Variants in MAP3K6 observed in about 807,000 individuals in gnomAD.
MAP3K6 encodes the protein mitogen-activated protein kinase kinase kinase 6.
A neutral mutation model predicts 147.1 loss-of-function variants in MAP3K6; 105 were observed. The observed-to-expected ratio is 0.71, with a 90% confidence interval of 0.61 to 0.84. The LOEUF (loss-of-function observed/expected upper bound fraction) is 0.84, where lower values mean the gene tolerates loss of function less well. MAP3K6 is among the 40% of genes least tolerant of loss of function. The pLI, the probability that MAP3K6 is intolerant of heterozygous loss-of-function variation, is 0.00. For synonymous variants in MAP3K6, 695 were observed against 732.4 expected (o/e 0.95, Z 0.82); for missense variants, 1,569 against 1,715.0 (o/e 0.91, Z 1.50).
At position 27,360,586 on chromosome 1, in the gene MAP3K6, A is replaced by C; in HGVS notation, c.2054+119T>G. On this transcript the variant is annotated intron_variant, in intron 15 of 28. Coordinates refer to ENST00000357582, the MANE Select transcript of MAP3K6 (RefSeq NM_004672.5). The surrounding 1 kb of genome is among the most constrained non-coding windows in gnomAD (Gnocchi z 4.5). ...CACGGGCCCAGTCCACAGGGCTCGA[A>C]CTCTCAGGTCCTACGAGCCCGCCCA... 1 of 1,447,770 alleles carries C rather than the reference A, an allele frequency of 6.9e-7. No individual in the cohort carries two copies. Among genetic ancestry groups the C allele is most frequent in the Non-Finnish European group, 9.1e-7 (1 of 1,093,330 alleles). The allele number at this position is 1,447,770 out of a possible 1,614,324, so 89.7% of individuals were successfully genotyped here.
intron 25 of MAP3K6, 32 bp downstream of exon 25, chr1:27,356,558 C>T (rs1364009671): frequency 3.1e-6 from 5 of 1,611,080 alleles, no homozygotes; most frequent in Non-Finnish European, 4.2e-6. Context: ...TGAAGCCCGG[C>T]AGAGGCTATG....
In MAP3K6 at chr1:27,362,757, G is replaced by T; in HGVS notation, c.1143-4C>A. ...TACGTCAAAAGCCTTGCGATACCTG[G>T]GGTGGGGGTAGGGGGCACAGGGCTG... is the stretch of plus-strand genomic sequence containing the variant. On this transcript the variant is annotated splice_polypyrimidine_tract_variant and splice_region_variant and intron_variant, in intron 7 of 28. Transcript: ENST00000357582. 6.2e-7 allele frequency: 1 copy of T among 1,612,796 alleles called. No homozygotes were observed. The highest frequency in any genetic ancestry group is 2.2e-5 in the East Asian group (1 of 44,876).
chr1:27,366,622 C>T lies in MAP3K6; in HGVS notation c.-25G>A, dbSNP rs888077998. On this transcript the variant is annotated 5_prime_UTR_variant, in exon 1 of 29. Coordinates refer to ENST00000357582, the MANE Select transcript of MAP3K6 (RefSeq NM_004672.5). The surrounding 1 kb of genome is among the most constrained non-coding windows in gnomAD (Gnocchi z 5.5). ...TGCGGGGGCGCTCAGGCGCGGGGCGCCGCGCACTGGGAACCGGGGGCGGGG... is the reference window on the plus strand; with the variant it reads ...TGCGGGGGCGCTCAGGCGCGGGGCGTCGCGCACTGGGAACCGGGGGCGGGG... 1.0e-5 allele frequency: 11 copies of T among 1,078,826 alleles called. No homozygotes were observed. In the African/African-American group the frequency reaches 1.8e-4, roughly 18 times the overall value. The allele number at this position is 1,078,826 out of a possible 1,614,324, so 66.8% of individuals were successfully genotyped here. A position where few individuals can be genotyped will look rare whatever the true frequency, so the allele number is the denominator to read the frequency against.
At chr1:27,355,623 G>A (rs1332603522) in intron 28 of MAP3K6, 46 bp downstream of exon 28, 4 of 1,602,462 alleles carry the variant, frequency 2.5e-6, no homozygotes, top group Non-Finnish European at 2.6e-6. Context: ...AGTTGGCCAG[G>A]ATGAGGCCAT....
rs765361991 is a variant in MAP3K6 at position 27,358,707 on chromosome 1, A to T, written c.2583+2T>A. 1 of 1,613,784 alleles carries T rather than the reference A, an allele frequency of 6.2e-7. No homozygotes were observed. ...CATGGGCCAGGCCCAAAGAGGTCTC[A>T]CCTGAAACATGGCAGCCTGTGGGCT... On this transcript the variant is annotated splice_donor_variant, in intron 19 of 28. Transcript: ENST00000357582. LOFTEE classifies it high-confidence loss of function. This position sits in a 1 kb window ranked among gnomAD's most constrained non-coding sequence, Gnocchi z 6.2.
intron 25 of MAP3K6, 26 bp from the exon 26 acceptor site, chr1:27,356,526 G>A (rs769225503): frequency 2.5e-6 from 4 of 1,612,284 alleles, no homozygotes; most frequent in Admixed American, 1.7e-5. Flanking sequence ...GAGTAGAATG[G>A]AGCGGTGAGT....
chr1:27,363,063 C>T (rs1464110068), intron 6 of MAP3K6, 42 bp from the exon 7 acceptor site: 1 of 1,567,600 alleles, frequency 6.4e-7, no homozygotes, highest in Admixed American at 1.9e-5. Context: ...ATGGCCCTGG[C>T]CTACTCTGTC....
Position 27,364,540 on chromosome 1 carries a change from A to G in MAP3K6, c.504+121T>C. ...CATGAGAGGAGGCAACAGGAAACAG[A>G]GGAATACTTGGGATGTCAGTGGGGG... is the stretch of plus-strand genomic sequence containing the variant. On this transcript the variant is annotated intron_variant, in intron 3 of 28. Transcript: ENST00000357582. This position sits in a 1 kb window ranked among gnomAD's most constrained non-coding sequence, Gnocchi z 4.4. The G allele has an allele frequency of 6.4e-7, 1 of 1,552,876 alleles. No homozygotes were observed. The highest frequency in any genetic ancestry group is 8.9e-7 in the Non-Finnish European group (1 of 1,125,218).
In MAP3K6 at chr1:27,366,106, G is replaced by A. The variant is rs1044608347; in HGVS notation, c.340+152C>T. ...TCCCCTAAATCCCACTTTTTTCACG[G>A]CCCTGTCCCAAGCCCTTCAGCTTTA... On this transcript the variant is annotated intron_variant, in intron 1 of 28. Transcript: ENST00000357582. The surrounding 1 kb of genome is among the most constrained non-coding windows in gnomAD (Gnocchi z 5.5). The A allele has an allele frequency of 4.6e-6, 4 of 860,398 alleles. No individual in the cohort carries two copies. In the South Asian group the frequency reaches 1.7e-4, roughly 37 times the overall value. The allele number at this position is 860,398 out of a possible 1,614,324, so 53.3% of individuals were successfully genotyped here. A position where few individuals can be genotyped will look rare whatever the true frequency, so the allele number is the denominator to read the frequency against.
chr1:27,363,006 C>T lies in MAP3K6; in HGVS notation c.987G>A (p.Gly329=), dbSNP rs771048988. 14 of 1,613,486 alleles carry T rather than the reference C, an allele frequency of 8.7e-6. No homozygotes were observed. The highest frequency in any genetic ancestry group is 3.3e-4 in the Middle Eastern group (2 of 6,080). ...GCACAGACAGGGCCTTCGCCCGGTC[C>T]CCAGGCCTGTTCCTCCTAGGGAAAA... ...TFALNRRNRP[G]DRAKALSVLL... Residue 329 remains glycine, a synonymous_variant, in exon 7 of 29, where the codon GGG becomes GGA. Transcript: ENST00000357582.
Position 27,356,681 on chromosome 1 carries a change from G to T in MAP3K6, c.3433C>A (p.Pro1145Thr). The T allele has an allele frequency of 6.2e-7, 1 of 1,609,692 alleles. No homozygotes were observed. Among genetic ancestry groups the T allele is most frequent in the East Asian group, 2.2e-5 (1 of 44,830 alleles). The change falls in exon 25 of 29, where the codon CCA (proline) becomes ACA (threonine). Residue 1145 changes from proline (P) to threonine (T), a missense_variant. By Grantham distance (38) the Pro-to-Thr change is conservative. Coordinates refer to ENST00000357582, the MANE Select transcript of MAP3K6 (RefSeq NM_004672.5). ...LSNEGDSQQS[P>T]GQQSPLPVEP... ...ACCGGAAGCGGGCTCTGCTGGCCTG[G>T]GCTCTGCTGGGAGTCCCCTTCATTA... is the stretch of plus-strand genomic sequence containing the variant.
In MAP3K6 at chr1:27,364,485, GA is replaced by G; in HGVS notation, c.505-92del. 3.9e-6 allele frequency: 6 copies of G among 1,558,174 alleles called. No individual in the cohort carries two copies. Among genetic ancestry groups the G allele is most frequent in the Non-Finnish European group, 4.4e-6 (5 of 1,131,976 alleles). On this transcript the variant is annotated intron_variant, in intron 3 of 28. Coordinates refer to ENST00000357582, the MANE Select transcript of MAP3K6 (RefSeq NM_004672.5). This position sits in a 1 kb window ranked among gnomAD's most constrained non-coding sequence, Gnocchi z 4.4. ...GAGCATCAAAGGTCAGCATCAGTGG[GA>G]ATTGGAATCGCAGGAAAGGGGCACC...
chr1:27,365,353 T>G (rs1207229282), intron 1 of MAP3K6, among the ~76,000 whole-genome samples: 1 of 152,208 alleles, frequency 6.6e-6, no homozygotes, highest in Non-Finnish European at 1.5e-5. Context: ...ATGTATAGCT[T>G]ACTATGTCTG....
At position 27,364,888 on chromosome 1, in the gene MAP3K6, C is replaced by T. The variant is rs1280438584; in HGVS notation, c.365G>A (p.Ser122Asn). ...NADVVVLEVS[S>N]SLVQPSLFYH... ...GAACAGGGAGGGCTGTACCAGCGAG[C>T]TGCTCACCTCCAGCACCACCACATC... The change falls in exon 2 of 29, where the codon AGC (serine) becomes AAC (asparagine). Residue 122 changes from serine to asparagine, a missense_variant. Physicochemically the swap from Ser to Asn is conservative, Grantham distance 46. Coordinates refer to ENST00000357582, the MANE Select transcript of MAP3K6 (RefSeq NM_004672.5). This position sits in a 1 kb window ranked among gnomAD's most constrained non-coding sequence, Gnocchi z 4.4. The T allele has an allele frequency of 1.9e-6, 3 of 1,600,214 alleles. No individual in the cohort carries two copies. In the Admixed American group the frequency reaches 5.0e-5, roughly 27 times the overall value.
Position 27,361,742 on chromosome 1 carries a change from G to C in MAP3K6, c.1541C>G (p.Pro514Arg), listed in dbSNP as rs371214094. 189 of 1,613,306 alleles carry C rather than the reference G, an allele frequency of 1.2e-4. No individual in the cohort carries two copies. The highest frequency in any genetic ancestry group is 1.6e-4 in the Non-Finnish European group (184 of 1,179,662). ...WLHFLLQSCQ[P>R]FKTACAQGDQ... ...GCCCTGGGCACAGGCTGTCTTGAAT[G>C]GTTGGCAGGACTGTAGCAAGAAGTG... is the stretch of plus-strand genomic sequence containing the variant. The change falls in exon 10 of 29, where the codon CCA becomes CGA. Residue 514 changes from proline (P) to arginine (R), a missense_variant. By Grantham distance (103) the Pro-to-Arg change is moderately radical. Coordinates refer to ENST00000357582, the MANE Select transcript of MAP3K6 (RefSeq NM_004672.5).
At chr1:27,356,152 G>T in intron 26 of MAP3K6, 53 bp from the exon 27 acceptor site, 1 of 1,514,012 alleles carries the variant, frequency 6.6e-7, no homozygotes, top group Non-Finnish European at 9.2e-7. Flanking sequence ...GCTAGAAGCT[G>T]CCTCGAACCC....
Position 27,360,568 on chromosome 1 carries a change from C to T in MAP3K6, c.2054+137G>A. Reference sequence around the variant, plus strand: ...GGTCCTGGCTGTTCCGCCCACGGGCCCAGTCCACAGGGCTCGAACTCTCAG... The same window carrying T: ...GGTCCTGGCTGTTCCGCCCACGGGCTCAGTCCACAGGGCTCGAACTCTCAG... On this transcript the variant is annotated intron_variant, in intron 15 of 28. Coordinates refer to ENST00000357582, the MANE Select transcript of MAP3K6 (RefSeq NM_004672.5). This position sits in a 1 kb window ranked among gnomAD's most constrained non-coding sequence, Gnocchi z 4.5. 2.8e-6 allele frequency: 4 copies of T among 1,413,208 alleles called. No homozygotes were observed. The South Asian group carries it at 4.2e-5, about 15-fold the overall frequency. 87.5% of individuals were successfully genotyped at this position (1,413,208 alleles called of 1,614,324 possible).
chr1:27,361,642 G>C lies in MAP3K6; in HGVS notation c.1579-15C>G. The stretch of plus-strand genomic sequence containing the variant: ...AGGACCAGCACCTGCAGGCAGTTGG[G>C]GAGTGGGGTCAGTCAGAAGGGGCTT... On this transcript the variant is annotated splice_polypyrimidine_tract_variant and intron_variant, in intron 10 of 28. Transcript: ENST00000357582. The C allele has an allele frequency of 6.2e-7, 1 of 1,614,118 alleles. No individual in the cohort carries two copies. Among genetic ancestry groups the C allele is most frequent in the Non-Finnish European group, 8.5e-7 (1 of 1,180,008 alleles).
In MAP3K6 at chr1:27,364,795, A is replaced by G; in HGVS notation, c.458T>C (p.Leu153Pro). The change falls in exon 2 of 29, where the codon CTC becomes CCC. Residue 153 changes from leucine to proline, a missense_variant. Leu to Pro is a moderately conservative substitution (Grantham distance 98, BLOSUM62 -3). Coordinates refer to ENST00000357582, the MANE Select transcript of MAP3K6 (RefSeq NM_004672.5). This position sits in a 1 kb window ranked among gnomAD's most constrained non-coding sequence, Gnocchi z 4.4. The part of the protein sequence containing the change: ...NNVLLCSQAD[L>P]PDLQALREDV... ...TACCCGCAGGGCCTGCAGGTCAGGGAGGTCGGCCTGGGAGCAGAGGAGCAC... is the reference window on the plus strand; with the variant it reads ...TACCCGCAGGGCCTGCAGGTCAGGGGGGTCGGCCTGGGAGCAGAGGAGCAC... 6.2e-7 allele frequency: 1 copy of G among 1,613,712 alleles called. No homozygotes were observed.
Sources: allele counts gnomAD v4.1 joint callset (sites outside exome capture counted in the v4.1 genomes callset), GRCh38; gene constraint gnomAD v4.1.1; non-coding constraint Gnocchi (gnomAD v3.1); transcripts MANE v1.5; gene names NCBI Gene and HGNC (gene_info 2026-07-23, HGNC 2026-07-21).